RPS6KC1: variants seen among roughly 807,000 people sequenced by gnomAD.
RPS6KC1 encodes ribosomal protein S6 kinase C1.
RPS6KC1 carries 54 observed loss-of-function variants against 103.8 expected under a neutral mutation model. The ratio of observed to expected loss-of-function variants is 0.52; its 90% CI spans 0.42 to 0.65. RPS6KC1 has a LOEUF of 0.65. RPS6KC1 is among the 30% of genes least tolerant of loss of function. The probability of loss-of-function intolerance (pLI) is 0.00; values close to 1 mark genes in which losing one functional copy is unlikely to be tolerated. For missense variants in RPS6KC1, 1,151 were observed against 1,253.8 expected (o/e 0.92, Z 1.24); for synonymous variants, 439 against 438.7 (o/e 1.00, Z -0.01).
At chr1:213,720,551 G>T in the RPS6KC1 span, among the ~76,000 whole-genome samples, 2 of 152,220 alleles carry the variant, frequency 1.3e-5, no homozygotes, top group Non-Finnish European at 2.9e-5. Context: ...TTTAGAGATA[G>T]ATAGGGTTCC....
intron 8 of RPS6KC1, among the ~76,000 whole-genome samples, chr1:213,215,362 G>A (rs921269471): frequency 6.6e-6 from 1 of 152,228 alleles, no homozygotes; most frequent in South Asian, 2.1e-4. Flanking sequence ...AAGCCTCCAA[G>A]AAATGTGGGA....
At chr1:213,403,944 G>A in the RPS6KC1 span, among the ~76,000 whole-genome samples, 4 of 152,278 alleles carry the variant, frequency 2.6e-5, no homozygotes, top group East Asian at 1.9e-4. Context: ...TTGGGTTCTC[G>A]TGAGGCAGAG....
At chr1:213,548,269 G>C in the RPS6KC1 span, among the ~76,000 whole-genome samples, 1 of 152,134 alleles carries the variant, frequency 6.6e-6, no homozygotes. Context: ...TTATAGAAAA[G>C]TATATAAATA....
At chr1:213,304,513 A>G in the RPS6KC1 span, among the ~76,000 whole-genome samples, 4 of 151,960 alleles carry the variant, frequency 2.6e-5, no homozygotes, top group African/African-American at 7.2e-5. Flanking sequence ...CAAAATTGAA[A>G]TTACTCTGTA....
chr1:213,053,836 A>T (rs887001987), intron 1 of RPS6KC1, among the ~76,000 whole-genome samples: 1 of 144,040 alleles, frequency 6.9e-6, no homozygotes, highest in African/African-American at 2.5e-5. Flanking sequence ...CAAATTCAGA[A>T]TTTTTTTTTT....
intron 6 of RPS6KC1, among the ~76,000 whole-genome samples, chr1:213,165,666 G>T (rs1325269444): frequency 6.6e-6 from 1 of 151,926 alleles, no homozygotes. Context: ...CTCGTGATCT[G>T]CCCACCTTGG....
chr1:213,545,909 C>T, the RPS6KC1 span, among the ~76,000 whole-genome samples: 2 of 152,118 alleles, frequency 1.3e-5, no homozygotes, highest in Non-Finnish European at 2.9e-5. Context: ...CCATGGGATC[C>T]CTGTAGCCAT....
chr1:213,546,059 G>A, the RPS6KC1 span, among the ~76,000 whole-genome samples: 8 of 152,156 alleles, frequency 5.3e-5, no homozygotes, highest in African/African-American at 1.2e-4. Flanking sequence ...TGCCTCCCCC[G>A]CTCACCTGGA....
At chr1:213,352,391 A>T in the RPS6KC1 span, among the ~76,000 whole-genome samples, 252 of 152,328 alleles carry the variant, frequency 1.7e-3, 4 homozygotes, top group Non-Finnish European at 2.3e-3. Context: ...CATGCAAATG[A>T]TGAAAAATTA....
intron 5 of RPS6KC1, among the ~76,000 whole-genome samples, chr1:213,121,691 A>C (rs900283590): frequency 6.6e-6 from 1 of 152,184 alleles, no homozygotes; most frequent in Non-Finnish European, 1.5e-5. Flanking sequence ...CCTTGATATC[A>C]GAGACTTGGA....
At chr1:213,733,171 T>C in the RPS6KC1 span, among the ~76,000 whole-genome samples, 1 of 152,182 alleles carries the variant, frequency 6.6e-6, no homozygotes, top group South Asian at 2.1e-4. Flanking sequence ...AGTAGTAGGA[T>C]GGCTGGACCA....
At chr1:213,375,204 CAT>C in the RPS6KC1 span, among the ~76,000 whole-genome samples, 21 of 151,834 alleles carry the variant, frequency 1.4e-4, no homozygotes, top group Admixed American at 2.6e-4. Flanking sequence ...CACATATACA[CAT>C]ATACATACAT....
chr1:213,399,404 C>G, the RPS6KC1 span, among the ~76,000 whole-genome samples: 133 of 152,252 alleles, frequency 8.7e-4, no homozygotes, highest in Middle Eastern at 3.4e-3. Flanking sequence ...GATCCTTGGC[C>G]TCTTCCAGAA....
At chr1:213,353,278 A>G in the RPS6KC1 span, among the ~76,000 whole-genome samples, 1 of 152,220 alleles carries the variant, frequency 6.6e-6, no homozygotes, top group Non-Finnish European at 1.5e-5. Context: ...ATGCCCATCC[A>G]TTTGTACTTA....
At chr1:213,602,185 T>TC in the RPS6KC1 span, among the ~76,000 whole-genome samples, 2 of 112,548 alleles carry the variant, frequency 1.8e-5, no homozygotes, top group Admixed American at 2.0e-4. Flanking sequence ...TTTCTTTCTT[T>TC]CTTTTTCCCT....
the RPS6KC1 span, among the ~76,000 whole-genome samples, chr1:213,609,523 C>T: frequency 6.6e-6 from 1 of 152,096 alleles, no homozygotes; most frequent in Admixed American, 6.5e-5. Flanking sequence ...AGCACAATCA[C>T]CCTCACAAAG....
chr1:213,525,755 G>C, the RPS6KC1 span, among the ~76,000 whole-genome samples: 2 of 152,172 alleles, frequency 1.3e-5, no homozygotes, highest in Admixed American at 1.3e-4. Flanking sequence ...GCAAATACAG[G>C]GCTGATGTCT....
the RPS6KC1 span, among the ~76,000 whole-genome samples, chr1:213,668,163 T>C: frequency 6.6e-6 from 1 of 152,228 alleles, no homozygotes; most frequent in Admixed American, 6.5e-5. Flanking sequence ...CAGAAGGTTT[T>C]CAATTTACTT....
intron 3 of RPS6KC1, among the ~76,000 whole-genome samples, chr1:213,090,721 T>A (rs909224431): frequency 6.6e-6 from 1 of 152,204 alleles, no homozygotes; most frequent in Non-Finnish European, 1.5e-5. Flanking sequence ...TTCTTAAAAA[T>A]TATTGAAGAC....
Sources: gnomAD v4.1 joint callset for allele counts (sites outside exome capture counted in the v4.1 genomes callset) on GRCh38, gnomAD v4.1.1 for gene constraint, MANE v1.5 for transcripts, NCBI Gene and HGNC (gene_info 2026-07-23, HGNC 2026-07-21) for gene names.